PCDHA3: variants seen among roughly 807,000 people sequenced by gnomAD.
PCDHA3 encodes the protein protocadherin alpha-3.
A neutral mutation model predicts 62.2 loss-of-function variants in PCDHA3; 41 were observed. The ratio of observed to expected loss-of-function variants is 0.66; its 90% confidence interval spans 0.51 to 0.86. The LOEUF (loss-of-function observed/expected upper bound fraction) is 0.86, where lower values mean the gene tolerates loss of function less well. Among genes scored for constraint, PCDHA3 ranks in the 40% least tolerant of loss-of-function variants. The probability of loss-of-function intolerance (pLI) is 0.00; values close to 1 mark genes in which losing one functional copy is unlikely to be tolerated. For missense variants in PCDHA3, 1,304 were observed against 1,241.2 expected (o/e 1.05, Z -0.76); for synonymous variants, 640 against 555.4 (o/e 1.15, Z -2.14).
intron 1 of PCDHA3, among the ~76,000 whole-genome samples, chr5:140,881,731 T>C (rs1457530470): frequency 6.6e-6 from 1 of 152,224 alleles, no homozygotes; most frequent in Non-Finnish European, 1.5e-5. Flanking sequence ...TGAAAAATAT[T>C]ACAGGAAGAG....
At position 140,851,623 on chromosome 5, in the gene PCDHA3, TA is replaced by T. The variant is rs1286415417; in HGVS notation, c.2394+48035del. 3.6e-5 allele frequency: 33 copies of T among 920,270 alleles called. 3 individuals carry two copies. Among genetic ancestry groups the T allele is most frequent in the Non-Finnish European group, 3.8e-5 (29 of 756,686 alleles). The allele number at this position is 920,270 out of a possible 1,614,324, so 57.0% of individuals were successfully genotyped here. On this transcript the variant is annotated intron_variant, in intron 1 of 3. Transcript: ENST00000522353. ...TACAGAAATTGGAGAAAATGCTTTT[TA>T]AACAAGTGTTTCCTTTCTTCAAGAA... is the stretch of plus-strand genomic sequence containing the variant.
At chr5:140,984,730 T>C (rs956611464) in intron 3 of PCDHA3, among the ~76,000 whole-genome samples, 4 of 152,186 alleles carry the variant, frequency 2.6e-5, no homozygotes, top group Non-Finnish European at 4.4e-5. Context: ...ATTAAGATTA[T>C]GATTTAGAGT....
intron 1 of PCDHA3, chr5:140,877,005 C>A (rs1433546348): frequency 6.2e-7 from 1 of 1,612,356 alleles, no homozygotes; most frequent in African/African-American, 1.3e-5. Flanking sequence ...TGTCGGTGCA[C>A]GCGGAGAGCG....
intron 1 of PCDHA3, among the ~76,000 whole-genome samples, chr5:140,971,716 A>G (rs1554233565): frequency 1.3e-5 from 2 of 152,026 alleles, no homozygotes; most frequent in African/African-American, 4.8e-5. Context: ...ATATAGATAT[A>G]TGTATATCAT....
intron 1 of PCDHA3, chr5:140,882,692 A>G (rs998224514): frequency 6.2e-7 from 1 of 1,614,204 alleles, no homozygotes; most frequent in South Asian, 1.1e-5. Context: ...ACGAATAATC[A>G]TTGCAGAATC....
intron 3 of PCDHA3, among the ~76,000 whole-genome samples, chr5:140,984,079 G>A (rs1554245959): frequency 2.0e-5 from 3 of 152,244 alleles, no homozygotes; most frequent in Admixed American, 2.0e-4. Context: ...CAACGATGGA[G>A]TGAAGAAATG....
rs147149527 is a variant in PCDHA3 at position 140,842,554 on chromosome 5, C to T, written c.2394+38963C>T. The T allele has an allele frequency of 1.0e-3, 1,636 of 1,596,230 alleles. 137 individuals carry two copies. The highest frequency in any genetic ancestry group is 3.5e-3 in the South Asian group (317 of 90,526). On this transcript the variant is annotated intron_variant, in intron 1 of 3. Transcript: ENST00000522353. Reference sequence around the variant, plus strand: ...ATTACTACTCGTTGGTGCTGGACAGCGCCCTGGACCGCGAGAGAGTGTCGG... The same window carrying T: ...ATTACTACTCGTTGGTGCTGGACAGTGCCCTGGACCGCGAGAGAGTGTCGG...
chr5:140,989,948 C>T (rs1046056940), intron 3 of PCDHA3, among the ~76,000 whole-genome samples: 2 of 151,988 alleles, frequency 1.3e-5, no homozygotes, highest in Admixed American at 6.6e-5. Context: ...ACGTTTTTCT[C>T]GGTGAGACCA....
At chr5:140,807,862 C>T in intron 1 of PCDHA3, 4 of 1,614,112 alleles carry the variant, frequency 2.5e-6, no homozygotes, top group South Asian at 1.1e-5. Context: ...TGACTGGCAC[C>T]GTTCAGTTAC....
At chr5:140,816,646 C>T (rs2126674174) in intron 1 of PCDHA3, 3 of 152,234 alleles carry the variant, frequency 2.0e-5, no homozygotes, top group African/African-American at 4.8e-5. Context: ...CCAGCTACCT[C>T]TTCCAGTCTT....
In PCDHA3 at chr5:140,802,603, C is replaced by T. The variant is rs1762964619; in HGVS notation, c.1406C>T (p.Pro469Leu). The change falls in exon 1 of 4, where the codon CCG becomes CTG. Residue 469 changes from proline (P) to leucine (L), a missense_variant. Coordinates refer to ENST00000522353, the MANE Select transcript of PCDHA3 (RefSeq NM_018906.3). ...ACGGTGTTCGTGAAGGAGAACAACC[C>T]GCCGGGCTGCCACATCTTCACGGTG... is the stretch of plus-strand genomic sequence containing the variant. ...EYTVFVKENN[P>L]PGCHIFTVSA... The T allele has an allele frequency of 3.7e-6, 6 of 1,613,916 alleles. No individual in the cohort carries two copies. Among genetic ancestry groups the T allele is most frequent in the Non-Finnish European group, 5.1e-6 (6 of 1,179,952 alleles).
chr5:140,891,481 C>G (rs2063126797), intron 1 of PCDHA3, among the ~76,000 whole-genome samples: 1 of 151,620 alleles, frequency 6.6e-6, no homozygotes, highest in Admixed American at 6.6e-5. Context: ...CTTTACATCA[C>G]TTTGAGCATA....
In PCDHA3 at chr5:141,010,916, A is replaced by G. The variant is rs1554263193; in HGVS notation, c.*979A>G. The G allele has an allele frequency of 6.5e-6, 1 of 153,780 alleles. No individual in the cohort carries two copies. The highest frequency in any genetic ancestry group is 2.4e-5 in the African/African-American group (1 of 41,454). 9.5% of individuals were successfully genotyped at this position (153,780 alleles called of 1,614,324 possible). On this transcript the variant is annotated 3_prime_UTR_variant, in exon 4 of 4. Transcript: ENST00000522353. ...ATACAATTCCCCTAAACTCTCCTCAAAAGAGAATTCAGTCTACAGCCATTT... is the reference window on the plus strand; with the variant it reads ...ATACAATTCCCCTAAACTCTCCTCAGAAGAGAATTCAGTCTACAGCCATTT...
chr5:140,809,209 G>A lies in PCDHA3; in HGVS notation c.2394+5618G>A, dbSNP rs1764395414. 8 of 1,614,072 alleles carry A rather than the reference G, an allele frequency of 5.0e-6. No individual in the cohort carries two copies. The East Asian group carries it at 1.8e-4, about 36-fold the overall frequency. On this transcript the variant is annotated intron_variant, in intron 1 of 3. Coordinates refer to ENST00000522353, the MANE Select transcript of PCDHA3 (RefSeq NM_018906.3). The stretch of plus-strand genomic sequence containing the variant: ...TGGTGTCACTTGTGGAGAGTGGACA[G>A]GCGCCAAAGGCCTCCTCACGGGCGT...
intron 1 of PCDHA3, among the ~76,000 whole-genome samples, chr5:140,952,427 C>T (rs2094744253): frequency 6.6e-6 from 1 of 152,162 alleles, no homozygotes; most frequent in African/African-American, 2.4e-5. Flanking sequence ...CAGATTCCTA[C>T]AGCACAGGCA....
intron 1 of PCDHA3, chr5:140,870,277 G>C: frequency 6.2e-7 from 1 of 1,614,168 alleles, no homozygotes; most frequent in South Asian, 1.1e-5. Flanking sequence ...GACGCCCCAC[G>C]TTCCCTTCAA....
chr5:140,869,878 A>T, intron 1 of PCDHA3: 1 of 1,610,122 alleles, frequency 6.2e-7, no homozygotes, highest in Non-Finnish European at 8.5e-7. Flanking sequence ...TGCTAAAGAA[A>T]CTCTTGTGCT....
intron 1 of PCDHA3, among the ~76,000 whole-genome samples, chr5:140,947,316 G>A (rs1325852826): frequency 2.6e-5 from 4 of 151,352 alleles, no homozygotes; most frequent in East Asian, 1.9e-4. Context: ...GTAAAAAGTC[G>A]GTTGACCATA....
chr5:140,917,955 C>T (rs1439909877), intron 1 of PCDHA3, among the ~76,000 whole-genome samples: 1 of 151,916 alleles, frequency 6.6e-6, no homozygotes, highest in Admixed American at 6.6e-5. Context: ...TTGATAGGAA[C>T]ATCATTGAAT....
Sources: gnomAD v4.1 joint callset for allele counts (sites outside exome capture counted in the v4.1 genomes callset) on GRCh38, gnomAD v4.1.1 for gene constraint, MANE v1.5 for transcripts, NCBI Gene and HGNC (gene_info 2026-07-23, HGNC 2026-07-21) for gene names.